The following SLC38A12 variants were observed in gnomAD, a reference collection of about 807,000 sequenced individuals.
SLC38A12 encodes putative sodium-coupled neutral amino acid transporter 12.
the SLC38A12 span, among the ~76,000 whole-genome samples, chr17:74,784,940 T>C: frequency 6.8e-6 from 1 of 146,796 alleles, no homozygotes; most frequent in Non-Finnish European, 1.5e-5. Flanking sequence ...TTTTATGGTA[T>C]GTGAATTATG....
the SLC38A12 span, among the ~76,000 whole-genome samples, chr17:74,800,627 G>A: frequency 6.6e-6 from 1 of 152,246 alleles, no homozygotes; most frequent in Non-Finnish European, 1.5e-5. Context: ...CAACAAGTTT[G>A]AGGAGCAGCA....
the SLC38A12 span, among the ~76,000 whole-genome samples, chr17:74,830,471 G>C: frequency 1.5e-3 from 232 of 152,374 alleles, no homozygotes; most frequent in African/African-American, 5.4e-3. Context: ...GGCTGAGGCT[G>C]TCTGGGGAAA....
At chr17:74,835,451 T>G in the SLC38A12 span, among the ~76,000 whole-genome samples, 3 of 152,158 alleles carry the variant, frequency 2.0e-5, no homozygotes, top group African/African-American at 7.2e-5. Flanking sequence ...CATGCCCTTC[T>G]TCGTCTACCC....
At chr17:74,782,287 C>T in the SLC38A12 span, among the ~76,000 whole-genome samples, 2 of 152,094 alleles carry the variant, frequency 1.3e-5, no homozygotes, top group East Asian at 1.9e-4. Context: ...AGGCTAGTCT[C>T]GAACTCCTCA....
At chr17:74,824,180 C>T in the SLC38A12 span, among the ~76,000 whole-genome samples, 1 of 152,210 alleles carries the variant, frequency 6.6e-6, no homozygotes, top group Non-Finnish European at 1.5e-5. Flanking sequence ...TCTCTGTTGC[C>T]ACATCCCAGC....
the SLC38A12 span, among the ~76,000 whole-genome samples, chr17:74,828,711 G>A: frequency 6.6e-6 from 1 of 152,282 alleles, no homozygotes; most frequent in Admixed American, 6.5e-5. Flanking sequence ...ACAGCCCGGG[G>A]GTACTCAGAG....
At chr17:74,839,334 A>G in the SLC38A12 span, 5 of 678,034 alleles carry the variant, frequency 7.4e-6, no homozygotes, top group Middle Eastern at 4.4e-4. Flanking sequence ...TGGGGAGGAC[A>G]GGGGCTGCTG....
At chr17:74,790,557 C>T in the SLC38A12 span, among the ~76,000 whole-genome samples, 216 of 152,194 alleles carry the variant, frequency 1.4e-3, 1 homozygote, top group Middle Eastern at 6.8e-3. Flanking sequence ...CCCCCATACC[C>T]CTTCCTGTTA....
the SLC38A12 span, among the ~76,000 whole-genome samples, chr17:74,789,072 C>T: frequency 6.6e-6 from 1 of 152,254 alleles, no homozygotes; most frequent in Non-Finnish European, 1.5e-5. Flanking sequence ...TTTCCCGTCT[C>T]AGCCTCAGGC....
chr17:74,801,148 C>T, the SLC38A12 span, among the ~76,000 whole-genome samples: 1 of 152,200 alleles, frequency 6.6e-6, no homozygotes, highest in Non-Finnish European at 1.5e-5. Context: ...TGGGGTGACC[C>T]GGGAAGCCCA....
chr17:74,794,764 C>A, the SLC38A12 span, among the ~76,000 whole-genome samples: 1 of 152,104 alleles, frequency 6.6e-6, no homozygotes, highest in Non-Finnish European at 1.5e-5. Flanking sequence ...TCTGATCCTC[C>A]CAGCCTCGTT....
At chr17:74,826,239 G>T in the SLC38A12 span, among the ~76,000 whole-genome samples, 1 of 152,192 alleles carries the variant, frequency 6.6e-6, no homozygotes, top group African/African-American at 2.4e-5. Context: ...GCCAGAGCCC[G>T]TGATTTCTGA....
chr17:74,823,722 C>T, the SLC38A12 span, among the ~76,000 whole-genome samples: 33 of 152,316 alleles, frequency 2.2e-4, no homozygotes, highest in Non-Finnish European at 4.3e-4. Context: ...GGCTGGCTCA[C>T]CCCCAGGTGG....
At chr17:74,804,333 G>C in the SLC38A12 span, among the ~76,000 whole-genome samples, 1 of 152,284 alleles carries the variant, frequency 6.6e-6, no homozygotes, top group South Asian at 2.1e-4. Flanking sequence ...CTGCACACTG[G>C]CTCAAAAGCA....
chr17:74,831,849 C>T, the SLC38A12 span, among the ~76,000 whole-genome samples: 2 of 152,236 alleles, frequency 1.3e-5, no homozygotes, highest in Non-Finnish European at 2.9e-5. Context: ...GCTGTCTTGG[C>T]GGCTGTGGCT....
chr17:74,828,149 A>G, the SLC38A12 span, among the ~76,000 whole-genome samples: 12 of 152,290 alleles, frequency 7.9e-5, no homozygotes, highest in Non-Finnish European at 1.6e-4. Context: ...GATGGCCTCC[A>G]CCTCACAGTG....
At chr17:74,795,044 G>C in the SLC38A12 span, 2 of 1,613,978 alleles carry the variant, frequency 1.2e-6, no homozygotes, top group South Asian at 1.1e-5. Context: ...CTGCATCATC[G>C]TTTACCTGTA....
chr17:74,794,129 T>C, the SLC38A12 span, among the ~76,000 whole-genome samples: 2 of 152,242 alleles, frequency 1.3e-5, no homozygotes, highest in Non-Finnish European at 2.9e-5. Flanking sequence ...TGCCACTCTT[T>C]TCAGAGCCCT....
At chr17:74,816,171 A>G in the SLC38A12 span, among the ~76,000 whole-genome samples, 5 of 152,162 alleles carry the variant, frequency 3.3e-5, no homozygotes, top group Non-Finnish European at 7.3e-5. Context: ...TCCTTAATGC[A>G]TGCGTAGGAC....
Sources: gnomAD v4.1 joint callset for allele counts (sites outside exome capture counted in the v4.1 genomes callset) on GRCh38, gnomAD v4.1.1 for gene constraint, MANE v1.5 for transcripts, NCBI Gene and HGNC (gene_info 2026-07-23, HGNC 2026-07-21) for gene names.